The following GTPBP1 variants were observed in gnomAD, a reference collection of about 807,000 sequenced individuals.
The protein encoded by GTPBP1 is GTP binding protein 1.
In GTPBP1, 23 loss-of-function variants were observed where a neutral mutation model predicts 62.0. That is an observed-to-expected ratio of 0.37 (90% CI 0.27 to 0.53). GTPBP1 has a LOEUF of 0.53. Ranked by LOEUF, GTPBP1 falls within the 20% of genes least tolerant of loss-of-function variation. GTPBP1 has a pLI of 0.89. For synonymous variants in GTPBP1, 344 were observed against 364.4 expected (o/e 0.94, Z 0.64); for missense variants, 640 against 917.3 (o/e 0.70, Z 3.90).
downstream of GTPBP1, chr22:38,739,322 G>A (rs368634975): frequency 1.1e-5 from 17 of 1,611,906 alleles, no homozygotes; most frequent in South Asian, 2.2e-5. The surrounding 1 kb of genome is among the most constrained non-coding windows in gnomAD (Gnocchi z 6.7). Context: ...AAGGCAGAGC[G>A]AGGAAAGCAG....
Position 38,729,544 on chromosome 22 carries a change from C to T in GTPBP1, c.1799C>T (p.Thr600Met), listed in dbSNP as rs75211829. ...KMQSTKKGPL[T>M]KRDEGGPSGG... is the part of the protein sequence containing the mutation. ...CAGTCGACGAAAAAGGGCCCCCTGA[C>T]GAAACGAGACGAGGGGGGCCCGTCT... The change falls in exon 11 of 12, where the codon ACG becomes ATG. Residue 600 changes from threonine to methionine, a missense_variant. Physicochemically the swap from Thr to Met is moderately conservative, Grantham distance 81. Around this residue, in one of 4 missense-constraint regions of GTPBP1, gnomAD observed 117 missense variants for 107.1 expected, o/e 1.09. Transcript: ENST00000216044. 8.9e-3 allele frequency: 14,316 copies of T among 1,607,380 alleles called. 85 individuals carry two copies. The highest frequency in any genetic ancestry group is 0.01 in the Non-Finnish European group (12,231 of 1,177,018).
At chr22:38,742,270 A>G, downstream of GTPBP1, 1 of 1,560,342 alleles carries the variant, frequency 6.4e-7, no homozygotes, top group Non-Finnish European at 8.7e-7. Context: ...GGTGTCACCC[A>G]CCTCCCACCC....
At chr22:38,723,208 A>T (rs2092710194) in intron 5 of GTPBP1, 2 of 1,021,652 alleles carry the variant, frequency 2.0e-6, no homozygotes, top group South Asian at 2.6e-5. Context: ...CAAAGGATAG[A>T]AGAAAAGCAC....
downstream of GTPBP1, chr22:38,738,672 G>T: frequency 6.2e-7 from 1 of 1,613,946 alleles, no homozygotes; most frequent in Non-Finnish European, 8.5e-7. This position sits in a 1 kb window ranked among gnomAD's most constrained non-coding sequence, Gnocchi z 6.6. Context: ...AACGGCTGTG[G>T]GGCGGATGCG....
rs2092726053 is a variant in GTPBP1, at chr22:38,726,205, G to A, written c.1219-53G>A. The A allele has an allele frequency of 2.2e-5, 35 of 1,609,832 alleles. 1 individual carries two copies. The South Asian group carries it at 3.2e-4, about 15-fold the overall frequency. ...GGCACTTCCTACAGTGGCATCAGGGGGTGGGTCTGTGCTGGGGATGCACTT... is the reference window on the plus strand; with the variant it reads ...GGCACTTCCTACAGTGGCATCAGGGAGTGGGTCTGTGCTGGGGATGCACTT... On this transcript the variant is annotated intron_variant, in intron 7 of 11. Coordinates refer to ENST00000216044, the MANE Select transcript of GTPBP1 (RefSeq NM_004286.5). The surrounding 1 kb of genome is among the most constrained non-coding windows in gnomAD (Gnocchi z 4.1).
intron 2 of GTPBP1, among the ~76,000 whole-genome samples, chr22:38,709,169 G>A (rs1167109884): frequency 6.6e-6 from 1 of 152,122 alleles, no homozygotes; most frequent in East Asian, 1.9e-4. Context: ...GCAGGCGCCT[G>A]TAATCCCAGC....
rs2092775444 is a variant in GTPBP1 at position 38,733,561 on chromosome 22, T to A, written c.*2857T>A. The A allele has an allele frequency of 6.6e-6, 1 of 152,412 alleles. No individual in the cohort carries two copies. The highest frequency in any genetic ancestry group is 2.4e-5 in the African/African-American group (1 of 41,576). The allele number at this position is 152,412 out of a possible 1,614,324, so 9.4% of individuals were successfully genotyped here. A position where few individuals can be genotyped will look rare whatever the true frequency, so the allele number is the denominator to read the frequency against. ...CAGCCCTTTTGTAGTGGATGCAGAA[T>A]AAAATTGTTAATCCAATCACCTCCA... On this transcript the variant is annotated 3_prime_UTR_variant, in exon 12 of 12. Transcript: ENST00000216044.
Position 38,716,192 on chromosome 22 carries a change from G to T in GTPBP1, c.485+105G>T. On this transcript the variant is annotated intron_variant, in intron 3 of 11. Coordinates refer to ENST00000216044, the MANE Select transcript of GTPBP1 (RefSeq NM_004286.5). This position sits in a 1 kb window ranked among gnomAD's most constrained non-coding sequence, Gnocchi z 5.2. ...GCTCCATCCTTTCCCCTCCTGAGGC[G>T]GGGAAAGAGTGTCCAGGTGTCTGGA... 1.1e-6 allele frequency: 1 copy of T among 929,396 alleles called. No individual in the cohort carries two copies. Among genetic ancestry groups the T allele is most frequent in the African/African-American group, 1.7e-5 (1 of 59,766 alleles). 57.6% of individuals were successfully genotyped at this position (929,396 alleles called of 1,614,324 possible).
In GTPBP1 at chr22:38,717,209, G is replaced by T. The variant is rs1190381266; in HGVS notation, c.834+209G>T. Among the ~76,000 whole-genome samples, 4 of 152,170 alleles carry T rather than the reference G, an allele frequency of 2.6e-5. No homozygotes were observed. In the East Asian group the frequency reaches 5.8e-4, roughly 22 times the overall value. On this transcript the variant is annotated intron_variant, in intron 4 of 11. Coordinates refer to ENST00000216044, the MANE Select transcript of GTPBP1 (RefSeq NM_004286.5). ...TTGATCTCTCCCTTACATTAGACTAGGGAAGGTATCCTCTTGGTAAAAACC... is the reference window on the plus strand; with the variant it reads ...TTGATCTCTCCCTTACATTAGACTATGGAAGGTATCCTCTTGGTAAAAACC...
chr22:38,712,684 G>C (rs1244441440), intron 2 of GTPBP1, among the ~76,000 whole-genome samples: 1 of 152,170 alleles, frequency 6.6e-6, no homozygotes, highest in Non-Finnish European at 1.5e-5. Flanking sequence ...CTGGAGACGG[G>C]TAATGTGACT....
chr22:38,730,621 A>G lies in GTPBP1; in HGVS notation c.1927A>G (p.Ser643Gly). The part of the protein sequence containing the change: ...SSNLQPQPKP[S>G]SGGRRRGGQR... The stretch of plus-strand genomic sequence containing the variant: ...CTTCTCTCTCTTTCAGCCTAAGCCC[A>G]GCAGTGGAGGCCGGCGACGAGGGGG... The change falls in exon 12 of 12, where the codon AGC becomes GGC. Residue 643 changes from serine to glycine, a missense_variant. Physicochemically the swap from Ser to Gly is moderately conservative, Grantham distance 56. Coordinates refer to ENST00000216044, the MANE Select transcript of GTPBP1 (RefSeq NM_004286.5). This position sits in a 1 kb window ranked among gnomAD's most constrained non-coding sequence, Gnocchi z 5.6. The G allele has an allele frequency of 6.2e-7, 1 of 1,603,814 alleles. No homozygotes were observed. Among genetic ancestry groups the G allele is most frequent in the Non-Finnish European group, 8.5e-7 (1 of 1,176,798 alleles).
intron 2 of GTPBP1, among the ~76,000 whole-genome samples, chr22:38,712,962 A>C (rs2092648525): frequency 6.6e-6 from 1 of 152,166 alleles, no homozygotes; most frequent in African/African-American, 2.4e-5. Context: ...GGCATCAGGA[A>C]ATTGTTGCGG....
chr22:38,718,909 T>C (rs1348667508), intron 4 of GTPBP1, among the ~76,000 whole-genome samples: 1 of 152,242 alleles, frequency 6.6e-6, no homozygotes, highest in Admixed American at 6.5e-5. Flanking sequence ...GTATAACCAA[T>C]ACCATAAATC....
intron 2 of GTPBP1, among the ~76,000 whole-genome samples, chr22:38,712,934 G>A (rs777425681): frequency 6.6e-6 from 1 of 152,204 alleles, no homozygotes; most frequent in Non-Finnish European, 1.5e-5. Flanking sequence ...AACATTTGAG[G>A]AAAGGCACTG....
At chr22:38,715,850 G>A in intron 2 of GTPBP1, 57 bp from the exon 3 acceptor site, 1 of 1,452,420 alleles carries the variant, frequency 6.9e-7, no homozygotes, top group East Asian at 2.3e-5. Context: ...CTGGCTGGTT[G>A]GCAGGCTGGT....
chr22:38,717,348 G>A (rs1323088989), intron 4 of GTPBP1, among the ~76,000 whole-genome samples: 1 of 152,218 alleles, frequency 6.6e-6, no homozygotes, highest in Non-Finnish European at 1.5e-5. Context: ...CTACTTTGAG[G>A]AGGTGACACC....
downstream of GTPBP1, chr22:38,742,417 C>A (rs762660159): frequency 6.2e-7 from 1 of 1,613,426 alleles, no homozygotes; most frequent in South Asian, 1.1e-5. Flanking sequence ...CCACCACCTC[C>A]CTGGCCAGGA....
intron 5 of GTPBP1, 116 bp from the exon 6 acceptor site, chr22:38,724,181 C>G (rs1007813482): frequency 1.5e-6 from 1 of 673,958 alleles, no homozygotes; most frequent in East Asian, 2.5e-5. Context: ...TAACACTGGT[C>G]CATCTATCTG....
Position 38,730,758 on chromosome 22 carries a change from C to T in GTPBP1, c.*54C>T. ...AAGGGGTCATCATCTCTGGCCACCA[C>T]TCCACCAGATGGGCAGAGCAGCTAT... On this transcript the variant is annotated 3_prime_UTR_variant, in exon 12 of 12. Coordinates refer to ENST00000216044, the MANE Select transcript of GTPBP1 (RefSeq NM_004286.5). The surrounding 1 kb of genome is among the most constrained non-coding windows in gnomAD (Gnocchi z 5.6). The T allele has an allele frequency of 3.1e-6, 3 of 977,896 alleles. No homozygotes were observed. Among genetic ancestry groups the T allele is most frequent in the South Asian group, 1.6e-5 (1 of 64,302 alleles). 60.6% of individuals were successfully genotyped at this position (977,896 alleles called of 1,614,324 possible).
Sources: gnomAD v4.1 joint callset for allele counts (sites outside exome capture counted in the v4.1 genomes callset) on GRCh38, gnomAD v4.1.1 for gene constraint, gnomAD v4.1.1 regional missense constraint, Gnocchi (gnomAD v3.1) non-coding constraint, MANE v1.5 for transcripts, NCBI Gene and HGNC (gene_info 2026-07-23, HGNC 2026-07-21) for gene names.